NAV2: variants seen among roughly 807,000 people sequenced by gnomAD.
NAV2 encodes helicase, APC down-regulated 1.
Under a neutral mutation model 223.2 loss-of-function variants are expected in NAV2, and 54 were observed. The observed-to-expected ratio is 0.24, with a 90% CI of 0.19 to 0.30. The LOEUF is 0.30. Among genes scored for constraint, NAV2 ranks in the 10% least tolerant of loss-of-function variants. The pLI is 1.00. For synonymous variants in NAV2, 1,279 were observed against 1,239.3 expected, an observed-to-expected ratio of 1.03 and a Z score of -0.67; for missense variants, 2,806 against 3,147.5, an observed-to-expected ratio of 0.89 and a Z score of 2.60.
Position 20,105,311 on chromosome 11 carries a change from G to T in NAV2, c.6645-220G>T, listed in dbSNP as rs999302311. On this transcript the variant is annotated intron_variant, in intron 34 of 37. Coordinates refer to ENST00000349880, the MANE Select transcript of NAV2 (RefSeq NM_145117.5). ...TGTCTGTTCCTCAGCATTTCTGTCC[G>T]TAAAACGGAGGTGGAGATAATATCT... 9.2e-6 allele frequency: 4 copies of T among 433,708 alleles called. No homozygotes were observed. In the East Asian group the frequency reaches 1.5e-4, roughly 16 times the overall value. The allele number at this position is 433,708 out of a possible 1,614,324, so 26.9% of individuals were successfully genotyped here. A position where few individuals can be genotyped will look rare whatever the true frequency, so the allele number is the denominator to read the frequency against.
intron 1 of NAV2, among the ~76,000 whole-genome samples, chr11:19,612,515 A>G (rs1452513941): frequency 1.3e-5 from 2 of 152,178 alleles, no homozygotes; most frequent in East Asian, 3.8e-4. Flanking sequence ...GCTGCTTAGA[A>G]ATTTCTTCCG....
At chr11:19,528,828 G>A (rs1274030052) in intron 1 of NAV2, among the ~76,000 whole-genome samples, 1 of 151,756 alleles carries the variant, frequency 6.6e-6, no homozygotes, top group Non-Finnish European at 1.5e-5. Context: ...TACTCGGGAG[G>A]CTGAGGAAGG....
At chr11:19,897,648 T>G (rs921854598) in intron 6 of NAV2, among the ~76,000 whole-genome samples, 2 of 152,050 alleles carry the variant, frequency 1.3e-5, no homozygotes, top group African/African-American at 4.8e-5. Flanking sequence ...GGTGACCAAG[T>G]ACACAGTTCA....
intron 1 of NAV2, among the ~76,000 whole-genome samples, chr11:19,782,013 T>C (rs1161404400): frequency 1.3e-5 from 2 of 152,202 alleles, no homozygotes; most frequent in African/African-American, 4.8e-5. Context: ...CACCTTCAGC[T>C]AGAAAACAAC....
chr11:19,720,546 G>T lies in NAV2; in HGVS notation c.267+6584G>T, dbSNP rs11025219. ...CTTCCGTTCATCTTGGTGGGACAGA[G>T]GATAGGGTAGAAATGGGGTCTTAGT... is the stretch of plus-strand genomic sequence containing the variant. On this transcript the variant is annotated intron_variant, in intron 1 of 37. Transcript: ENST00000349880. 1.3e-4 allele frequency among the ~76,000 whole-genome samples: 20 copies of T among 152,300 alleles called. No homozygotes were observed. In the East Asian group the frequency reaches 3.9e-3, roughly 29 times the overall value.
chr11:19,714,080 A>T, intron 1 of NAV2, 118 bp downstream of exon 1: 1 of 1,386,856 alleles, frequency 7.2e-7, no homozygotes, highest in Non-Finnish European at 9.8e-7. Context: ...CAGGGAAGGG[A>T]ACCATTCCCC....
intron 1 of NAV2, among the ~76,000 whole-genome samples, chr11:19,356,927 C>T (rs149494037): frequency 1.1e-4 from 17 of 152,246 alleles, no homozygotes; most frequent in Middle Eastern, 3.4e-3. Flanking sequence ...TCCTTAAAGC[C>T]GCTAGAAGTT....
chr11:19,891,024 C>G (rs938977066), intron 5 of NAV2, among the ~76,000 whole-genome samples: 1 of 152,188 alleles, frequency 6.6e-6, no homozygotes, highest in Admixed American at 6.5e-5. Flanking sequence ...GGGCCAGCTT[C>G]TTTTTAACTA....
intron 3 of NAV2, among the ~76,000 whole-genome samples, chr11:19,849,966 T>C (rs574282921): frequency 6.6e-6 from 1 of 152,240 alleles, no homozygotes; most frequent in South Asian, 2.1e-4. Context: ...TCCCTCTCCA[T>C]ACTCTTTAGC....
At chr11:19,607,189 A>C (rs2046500341) in intron 1 of NAV2, among the ~76,000 whole-genome samples, 1 of 152,176 alleles carries the variant, frequency 6.6e-6, no homozygotes, top group Non-Finnish European at 1.5e-5. Flanking sequence ...TTCCAGTTGG[A>C]TCTTCAGCTC....
chr11:19,755,153 G>C (rs1348532398), intron 1 of NAV2, among the ~76,000 whole-genome samples: 1 of 152,186 alleles, frequency 6.6e-6, no homozygotes, highest in East Asian at 1.9e-4. Context: ...AGAAAATTCT[G>C]ATGGCGAATG....
intron 22 of NAV2, among the ~76,000 whole-genome samples, chr11:20,074,152 CA>C (rs1407242148): frequency 1.3e-5 from 2 of 152,204 alleles, no homozygotes; most frequent in Non-Finnish European, 2.9e-5. Flanking sequence ...TCATTGGTTT[CA>C]AAGAACATCT....
chr11:19,781,567 G>A (rs1022125047), intron 1 of NAV2, among the ~76,000 whole-genome samples: 9 of 152,088 alleles, frequency 5.9e-5, no homozygotes, highest in African/African-American at 2.2e-4. Flanking sequence ...TCCCCAGAGA[G>A]GCATTGGTCA....
chr11:19,962,293 C>G (rs561743519), intron 10 of NAV2, among the ~76,000 whole-genome samples: 1 of 152,052 alleles, frequency 6.6e-6, no homozygotes, highest in African/African-American at 2.4e-5. Context: ...ATCTGCTTTA[C>G]TCAGAGTCTA....
chr11:19,692,244 G>A (rs768952455), intron 1 of NAV2, among the ~76,000 whole-genome samples: 16 of 152,210 alleles, frequency 1.1e-4, no homozygotes, highest in Middle Eastern at 3.2e-3. Flanking sequence ...AACGAAGTCC[G>A]CAAACATCTT....
At chr11:19,689,850 AAG>A (rs1758391451) in intron 1 of NAV2, among the ~76,000 whole-genome samples, 1 of 152,228 alleles carries the variant, frequency 6.6e-6, no homozygotes, top group Non-Finnish European at 1.5e-5. Context: ...TTGAAATAGA[AAG>A]ATTGCCATGG....
chr11:19,776,983 T>C (rs2056278560), intron 1 of NAV2, among the ~76,000 whole-genome samples: 1 of 151,858 alleles, frequency 6.6e-6, no homozygotes, highest in Non-Finnish European at 1.5e-5. Context: ...CCGACCATCT[T>C]TCCCCCTTCG....
intron 4 of NAV2, among the ~76,000 whole-genome samples, chr11:19,875,457 T>TA (rs1245815563): frequency 6.6e-6 from 1 of 152,196 alleles, no homozygotes; most frequent in Non-Finnish European, 1.5e-5. Flanking sequence ...GTACTTGAAG[T>TA]ACAGTTTCTA....
chr11:19,581,063 C>G (rs1446515361), intron 1 of NAV2, among the ~76,000 whole-genome samples: 1 of 152,196 alleles, frequency 6.6e-6, no homozygotes, highest in African/African-American at 2.4e-5. Context: ...ACATGTGTCT[C>G]CTTTTCTGTG....
Sources: allele counts gnomAD v4.1 joint callset (sites outside exome capture counted in the v4.1 genomes callset), GRCh38; gene constraint gnomAD v4.1.1; transcripts MANE v1.5; gene names NCBI Gene and HGNC (gene_info 2026-07-23, HGNC 2026-07-21).